The following VPS13B variants were observed in gnomAD, a reference collection of about 807,000 sequenced individuals.
VPS13B encodes the protein vacuolar protein sorting 13 homolog B, also known as intermembrane lipid transfer protein VPS13B.
Under a neutral mutation model 426.4 loss-of-function variants are expected in VPS13B, and 285 were observed. That is an observed-to-expected ratio of 0.67 (90% CI 0.61 to 0.74). The LOEUF (loss-of-function observed/expected upper bound fraction) is 0.74, where lower values mean the gene tolerates loss of function less well. Ranked by LOEUF, VPS13B falls within the 30% of genes least tolerant of loss-of-function variation. VPS13B has a pLI of 0.00. For missense variants in VPS13B, 4,537 were observed against 4,782.6 expected (o/e 0.95, Z 1.51); for synonymous variants, 1,676 against 1,676.4 (o/e 1.00, Z 0.01).
chr8:99,086,931 C>T lies in VPS13B; in HGVS notation c.292-9381C>T, dbSNP rs151186831. 5.2e-3 allele frequency among the ~76,000 whole-genome samples: 793 copies of T among 152,298 alleles called. 14 individuals are homozygous for T. Among genetic ancestry groups the T allele is most frequent in the East Asian group, 0.025 (130 of 5,178 alleles). On this transcript the variant is annotated intron_variant, in intron 3 of 61. Transcript: ENST00000357162. ...GGATCCACTTGAGGAGGCAGTCTGT[C>T]GGTTCTCAGATCTGCAGCTGTGTGC...
intron 33 of VPS13B, among the ~76,000 whole-genome samples, chr8:99,620,885 C>T (rs942790220): frequency 6.6e-6 from 1 of 150,568 alleles, no homozygotes; most frequent in Non-Finnish European, 1.5e-5. Flanking sequence ...ACTTAGGAGG[C>T]TCAGGCAGGA....
In VPS13B at chr8:99,696,482, C is replaced by G. The variant is rs567099500; in HGVS notation, c.6047-3043C>G. Reference sequence around the variant, plus strand: ...TTCTCCGGATCCGCGCCGACCTCCTCCGCTTGGTGCCGTTCCTTGTGTTCG... The same window carrying G: ...TTCTCCGGATCCGCGCCGACCTCCTGCGCTTGGTGCCGTTCCTTGTGTTCG... On this transcript the variant is annotated intron_variant, in intron 35 of 61. Coordinates refer to ENST00000357162, the MANE Select transcript of VPS13B (RefSeq NM_152564.5). The G allele has an allele frequency of 2.0e-4, 80 of 403,060 alleles. No individual in the cohort carries two copies. The Admixed American group carries it at 2.7e-3, about 14-fold the overall frequency. The allele number at this position is 403,060 out of a possible 1,614,324, so 25.0% of individuals were successfully genotyped here. A position where few individuals can be genotyped will look rare whatever the true frequency, so the allele number is the denominator to read the frequency against.
At chr8:99,687,179 G>A (rs1831449322) in intron 35 of VPS13B, among the ~76,000 whole-genome samples, 4 of 152,000 alleles carry the variant, frequency 2.6e-5, no homozygotes, top group Admixed American at 2.6e-4. Flanking sequence ...CTAGAATGGA[G>A]GCCTCAGGAC....
At chr8:99,380,898 A>AC (rs1438340890) in intron 19 of VPS13B, among the ~76,000 whole-genome samples, 1 of 151,314 alleles carries the variant, frequency 6.6e-6, no homozygotes, top group African/African-American at 2.4e-5. Flanking sequence ...TTTAAAAAAA[A>AC]AAGACTTTTA....
intron 17 of VPS13B, among the ~76,000 whole-genome samples, chr8:99,228,434 G>A (rs1208881845): frequency 1.3e-5 from 2 of 152,002 alleles, no homozygotes; most frequent in South Asian, 2.1e-4. Flanking sequence ...AATTTAAAAC[G>A]AATAGGCCTT....
intron 19 of VPS13B, among the ~76,000 whole-genome samples, chr8:99,317,982 T>TG (rs1421868438): frequency 6.6e-6 from 1 of 152,180 alleles, no homozygotes; most frequent in Non-Finnish European, 1.5e-5. Flanking sequence ...TGTGTTTTTT[T>TG]GGGGGGTTAG....
chr8:99,798,076 C>G (rs749667923), intron 43 of VPS13B, among the ~76,000 whole-genome samples: 1 of 152,036 alleles, frequency 6.6e-6, no homozygotes, highest in Non-Finnish European at 1.5e-5. Flanking sequence ...CTAAAATCAA[C>G]AGTGAGGTAA....
intron 23 of VPS13B, among the ~76,000 whole-genome samples, chr8:99,447,716 CATT>C (rs1033490552): frequency 2.5e-4 from 38 of 152,086 alleles, no homozygotes; most frequent in South Asian, 1.0e-3. Context: ...ATGTGTAAAA[CATT>C]ATATAAATTT....
chr8:99,785,858 C>T (rs1812233033), intron 43 of VPS13B, among the ~76,000 whole-genome samples: 2 of 152,182 alleles, frequency 1.3e-5, no homozygotes, highest in African/African-American at 4.8e-5. Context: ...GCATTCCCAG[C>T]AATGAATTAT....
At chr8:99,499,812 A>G (rs924992394) in intron 25 of VPS13B, among the ~76,000 whole-genome samples, 4 of 152,152 alleles carry the variant, frequency 2.6e-5, no homozygotes, top group Non-Finnish European at 5.9e-5. Context: ...ATTTTCTCTA[A>G]TAGTAAATCC....
chr8:99,059,387 C>G (rs1020830181), intron 3 of VPS13B, among the ~76,000 whole-genome samples: 1 of 152,062 alleles, frequency 6.6e-6, no homozygotes, highest in African/African-American at 2.4e-5. Context: ...GTTGGCCAGG[C>G]TGGTCTCAAA....
chr8:99,445,760 C>T (rs1382163285), intron 23 of VPS13B, among the ~76,000 whole-genome samples: 1 of 151,958 alleles, frequency 6.6e-6, no homozygotes, highest in Non-Finnish European at 1.5e-5. Flanking sequence ...TCTTAAAACA[C>T]TTTAATCCTT....
chr8:99,770,830 A>G (rs1358053228), intron 40 of VPS13B, among the ~76,000 whole-genome samples: 2 of 152,290 alleles, frequency 1.3e-5, no homozygotes, highest in East Asian at 1.9e-4. Context: ...AAGGTGGGGA[A>G]TGGTAGAAGG....
At chr8:99,646,471 A>G (rs1322582843) in intron 34 of VPS13B, among the ~76,000 whole-genome samples, 1 of 152,164 alleles carries the variant, frequency 6.6e-6, no homozygotes, top group Non-Finnish European at 1.5e-5. Context: ...GCTGCAGTAA[A>G]CCGAGATTGC....
intron 17 of VPS13B, among the ~76,000 whole-genome samples, chr8:99,231,942 G>A (rs1240680812): frequency 2.0e-5 from 3 of 152,108 alleles, no homozygotes; most frequent in African/African-American, 7.2e-5. Context: ...TCTTTGTTTG[G>A]TTGATTGATT....
chr8:99,589,483 T>G (rs1253225004), intron 33 of VPS13B, among the ~76,000 whole-genome samples: 3 of 151,582 alleles, frequency 2.0e-5, no homozygotes, highest in Admixed American at 2.0e-4. Context: ...GCGATAGTTT[T>G]CTGAGAATGA....
Position 99,076,766 on chromosome 8 carries a change from T to C in VPS13B, c.292-19546T>C, listed in dbSNP as rs569069614. 5.3e-5 allele frequency among the ~76,000 whole-genome samples: 8 copies of C among 152,242 alleles called. No homozygotes were observed. The South Asian group carries it at 1.7e-3, about 32-fold the overall frequency. On this transcript the variant is annotated intron_variant, in intron 3 of 61. Transcript: ENST00000357162. ...TGTATTTACAGTTAAAGTGAGTTAT[T>C]TATAGGCAGCATACAGTTTGGTCTT...
chr8:99,149,586 G>A (rs1183092712), intron 14 of VPS13B, among the ~76,000 whole-genome samples: 5 of 151,442 alleles, frequency 3.3e-5, no homozygotes, highest in Admixed American at 2.6e-4. Context: ...CCAAAGTGCT[G>A]GGATTACAGG....
chr8:99,326,232 C>G (rs1810251123), intron 19 of VPS13B, among the ~76,000 whole-genome samples: 1 of 151,658 alleles, frequency 6.6e-6, no homozygotes, highest in South Asian at 2.1e-4. Context: ...CAGGCATGTG[C>G]GACAGGTACT....
Sources: gnomAD v4.1 joint callset for allele counts (sites outside exome capture counted in the v4.1 genomes callset) on GRCh38, gnomAD v4.1.1 for gene constraint, MANE v1.5 for transcripts, NCBI Gene and HGNC (gene_info 2026-07-23, HGNC 2026-07-21) for gene names.